The following RARB variants were observed in gnomAD, a reference collection of about 807,000 sequenced individuals.
The protein encoded by RARB is retinoic acid receptor beta, also known as HBV-activated protein.
A neutral mutation model predicts 51.9 loss-of-function variants in RARB; 17 were observed. The observed-to-expected ratio is 0.33, with a 90% CI of 0.22 to 0.49. The LOEUF (loss-of-function observed/expected upper bound fraction) is 0.49, where lower values mean the gene tolerates loss of function less well. Among genes scored for constraint, RARB ranks in the 20% least tolerant of loss-of-function variants. RARB has a pLI of 0.99. For synonymous variants in RARB, 215 were observed against 195.4 expected (o/e 1.10, Z -0.84); for missense variants, 369 against 550.8 (o/e 0.67, Z 3.30).
At chr3:24,877,027 A>G (rs1703059513) in intron 2 of RARB, among the ~76,000 whole-genome samples, 1 of 152,160 alleles carries the variant, frequency 6.6e-6, no homozygotes, top group African/African-American at 2.4e-5. Context: ...TGAAATGACA[A>G]TATATGTAAA....
At chr3:25,516,284 A>G (rs1056135010) in intron 3 of RARB, among the ~76,000 whole-genome samples, 3 of 152,228 alleles carry the variant, frequency 2.0e-5, no homozygotes, top group Non-Finnish European at 4.4e-5. Flanking sequence ...AGCTAAAAAA[A>G]GATAATGTAA....
chr3:25,124,325 G>A (rs1699829609), intron 3 of RARB, among the ~76,000 whole-genome samples: 1 of 152,204 alleles, frequency 6.6e-6, no homozygotes, highest in South Asian at 2.1e-4. Flanking sequence ...AGAGAGCCAA[G>A]ATCATGCCAC....
At chr3:25,560,332 G>A (rs1255158426) in intron 3 of RARB, among the ~76,000 whole-genome samples, 1 of 152,042 alleles carries the variant, frequency 6.6e-6, no homozygotes, top group Non-Finnish European at 1.5e-5. Flanking sequence ...CTAATGATTT[G>A]GATTTCTAAA....
At chr3:25,514,615 G>T (rs1276632474) in intron 3 of RARB, among the ~76,000 whole-genome samples, 1 of 151,756 alleles carries the variant, frequency 6.6e-6, no homozygotes, top group Admixed American at 6.6e-5. Context: ...TTGTTTTTTT[G>T]GGGGAAGGGG....
chr3:25,243,217 A>G (rs901120475), intron 5 of RARB, among the ~76,000 whole-genome samples: 4 of 152,188 alleles, frequency 2.6e-5, no homozygotes, highest in African/African-American at 7.2e-5. Context: ...GGCTGAGATC[A>G]TGGGGTTTTC....
At chr3:25,260,643 G>T (rs1472410995) in intron 5 of RARB, among the ~76,000 whole-genome samples, 1 of 152,144 alleles carries the variant, frequency 6.6e-6, no homozygotes, top group African/African-American at 2.4e-5. Flanking sequence ...AGAGGAAAAG[G>T]GGTCCCATCT....
At chr3:25,351,984 T>C (rs1029402164) in intron 5 of RARB, among the ~76,000 whole-genome samples, 5 of 152,160 alleles carry the variant, frequency 3.3e-5, no homozygotes, top group African/African-American at 1.2e-4. Flanking sequence ...TCAAATGTGT[T>C]TTAAGTCGAA....
At chr3:24,907,313 A>T (rs1172456129) in intron 2 of RARB, among the ~76,000 whole-genome samples, 2 of 152,200 alleles carry the variant, frequency 1.3e-5, no homozygotes, top group Non-Finnish European at 2.9e-5. Context: ...GTGAGAGCTG[A>T]AATCCTGCAT....
chr3:25,418,020 C>G (rs1461879001), intron 5 of RARB, among the ~76,000 whole-genome samples: 1 of 150,934 alleles, frequency 6.6e-6, no homozygotes, highest in East Asian at 1.9e-4. Context: ...CAGTATTCCA[C>G]TTGGTAGGGA....
At chr3:25,500,451 C>CTTTTTTTTTTTTTTTTTTT (rs1553624117) in intron 2 of RARB, among the ~76,000 whole-genome samples, 3 of 49,940 alleles carry the variant, frequency 6.0e-5, no homozygotes, top group African/African-American at 8.4e-5. Flanking sequence ...TCTTTCTTTT[C>CTTTTTTTTTTTTTTTTTTT]TTGTTTTTTT....
At chr3:25,248,383 T>C (rs990265317) in intron 5 of RARB, among the ~76,000 whole-genome samples, 1 of 152,214 alleles carries the variant, frequency 6.6e-6, no homozygotes, top group Non-Finnish European at 1.5e-5. Flanking sequence ...ATTATTGATA[T>C]GGGAGGGCTT....
At chr3:25,526,692 G>T (rs556014089) in intron 3 of RARB, among the ~76,000 whole-genome samples, 3 of 152,190 alleles carry the variant, frequency 2.0e-5, no homozygotes, top group Non-Finnish European at 2.9e-5. Context: ...GGATGGATGA[G>T]TGGGTGAATG....
chr3:25,532,591 T>C (rs1698972796), intron 3 of RARB, among the ~76,000 whole-genome samples: 1 of 152,210 alleles, frequency 6.6e-6, no homozygotes. Context: ...CCAAGAGTGT[T>C]TGAAATCTGC....
At chr3:25,105,747 C>T (rs1699487286) in intron 3 of RARB, among the ~76,000 whole-genome samples, 1 of 152,144 alleles carries the variant, frequency 6.6e-6, no homozygotes, top group African/African-American at 2.4e-5. Flanking sequence ...CCTGGCCAGT[C>T]TAAATCACAA....
At chr3:24,953,622 A>T (rs1430468361) in intron 2 of RARB, among the ~76,000 whole-genome samples, 1 of 152,234 alleles carries the variant, frequency 6.6e-6, no homozygotes, top group Non-Finnish European at 1.5e-5. Context: ...GCTAGATGAT[A>T]GATAGACACT....
rs571896763 is a variant in RARB, at chr3:25,496,516, A to C, written c.307-4666A>C. On this transcript the variant is annotated intron_variant, in intron 2 of 7. Transcript: ENST00000330688. ...CAAGGAAGGTGGCACACTTGATGGCACTGAGACACCTTAATGGATAAATGC... is the reference window on the plus strand; with the variant it reads ...CAAGGAAGGTGGCACACTTGATGGCCCTGAGACACCTTAATGGATAAATGC... Among the ~76,000 whole-genome samples, 134 of 152,328 alleles carry C rather than the reference A, an allele frequency of 8.8e-4. 1 individual carries two copies. Among genetic ancestry groups the C allele is most frequent in the African/African-American group, 2.8e-3 (118 of 41,588 alleles).
Position 25,156,801 on chromosome 3 carries a change from A to G in RARB, c.-279-17318A>G, listed in dbSNP as rs180823213. Among the ~76,000 whole-genome samples, 36 of 152,304 alleles carry G rather than the reference A, an allele frequency of 2.4e-4. No homozygotes were observed. In the East Asian group the frequency reaches 6.4e-3, roughly 27 times the overall value. ...TCCTGAAAGAGTTTAAGAAAGAGAA[A>G]CAGGCTGAGTCTTAGCTAGAACAAG... On this transcript the variant is annotated intron_variant, in intron 4 of 11. Transcript: ENST00000383772.
chr3:25,071,835 T>C (rs896699550), intron 3 of RARB, among the ~76,000 whole-genome samples: 2 of 152,222 alleles, frequency 1.3e-5, no homozygotes, highest in Non-Finnish European at 2.9e-5. Context: ...GCTAATATTA[T>C]TGTCATGCTG....
At chr3:25,093,496 T>TC (rs11307775) in intron 3 of RARB, among the ~76,000 whole-genome samples, 1 of 151,944 alleles carries the variant, frequency 6.6e-6, no homozygotes, top group Non-Finnish European at 1.5e-5. Flanking sequence ...TAATAGCCCT[T>TC]CCCCCCAAAC....
Sources: allele counts gnomAD v4.1 joint callset (sites outside exome capture counted in the v4.1 genomes callset), GRCh38; gene constraint gnomAD v4.1.1; transcripts MANE v1.5; gene names NCBI Gene and HGNC (gene_info 2026-07-23, HGNC 2026-07-21).